CDC6: variants seen among roughly 807,000 people sequenced by gnomAD.
The protein encoded by CDC6 is cell division cycle 6, also known as DNA replication factor CDC6.
A neutral mutation model predicts 60.2 loss-of-function variants in CDC6; 46 were observed. That is an observed-to-expected ratio of 0.76 (90% CI 0.60 to 0.98). The LOEUF (loss-of-function observed/expected upper bound fraction) is 0.98, where lower values mean the gene tolerates loss of function less well. Ranked by LOEUF, CDC6 falls within the 50% of genes least tolerant of loss-of-function variation. The pLI is 0.00. For synonymous variants in CDC6, 210 were observed against 233.2 expected (o/e 0.90, Z 0.90); for missense variants, 596 against 652.9 (o/e 0.91, Z 0.95).
rs776183829 is a variant in CDC6 at position 40,291,483 on chromosome 17, C to A, written c.475C>A (p.Gln159Lys). The A allele has an allele frequency of 1.9e-6, 3 of 1,614,200 alleles. No individual in the cohort carries two copies. Among genetic ancestry groups the A allele is most frequent in the Non-Finnish European group, 2.5e-6 (3 of 1,180,038 alleles). ...LFKQEGTCYQ[Q>K]AKLVLNTAVP... ...GTCTGGCACAGGCACTTGCTACCAG[C>A]AAGCAAAGCTGGTCCTGAACACAGC... Residue 159 changes from glutamine to lysine, a missense_variant, in exon 4 of 12, where the codon CAA (glutamine) becomes AAA (lysine). Physicochemically the swap from Gln to Lys is moderately conservative, Grantham distance 53. Coordinates refer to ENST00000209728, the MANE Select transcript of CDC6 (RefSeq NM_001254.4).
rs766335448 is a variant in CDC6 at position 40,300,800 on chromosome 17, A to G, written c.1250-28A>G. ...CACACACACAGTATTTTAGAAATCG[A>G]ATTAAGCTTGGCTTATTTACTTTAT... is the stretch of plus-strand genomic sequence containing the variant. On this transcript the variant is annotated intron_variant, in intron 9 of 11. Transcript: ENST00000209728. 3.9e-6 allele frequency: 6 copies of G among 1,552,954 alleles called. No homozygotes were observed. The Admixed American group carries it at 1.0e-4, about 26-fold the overall frequency.
Position 40,289,393 on chromosome 17 carries a change from T to C in CDC6, c.-13-15T>C. 5 of 1,543,950 alleles carry C rather than the reference T, an allele frequency of 3.2e-6. No individual in the cohort carries two copies. The highest frequency in any genetic ancestry group is 4.5e-6 in the Non-Finnish European group (5 of 1,119,970). On this transcript the variant is annotated splice_polypyrimidine_tract_variant and intron_variant, in intron 1 of 11. Coordinates refer to ENST00000209728, the MANE Select transcript of CDC6 (RefSeq NM_001254.4). ...CACATATTGACTAGTTGTCCTCTTA[T>C]TTTTTTTAATCTAGCTGTGCTGTCG...
In CDC6 at chr17:40,289,438, CCAGG is replaced by C; in HGVS notation, c.21_24del (p.Gln7HisfsTer16). On this transcript the variant is annotated frameshift_variant, in exon 2 of 12. Transcript: ENST00000209728. LOFTEE classifies it high-confidence loss of function. The stretch of plus-strand genomic sequence containing the variant: ...CTGTCGTCATGCCTCAAACCCGATC[CCAGG>C]CACAGGCTACAATCAGTTTTCCAAA... 1 of 1,613,796 alleles carries C rather than the reference CCAGG, an allele frequency of 6.2e-7. No homozygotes were observed. The highest frequency in any genetic ancestry group is 8.5e-7 in the Non-Finnish European group (1 of 1,179,934).
intron 2 of CDC6, among the ~76,000 whole-genome samples, chr17:40,290,737 T>C (rs933079184): frequency 2.0e-5 from 3 of 152,226 alleles, no homozygotes; most frequent in African/African-American, 7.2e-5. Flanking sequence ...GGATGATTCA[T>C]GTCTTGGGTA....
At chr17:40,301,802 AAC>A (rs1280057872) in intron 11 of CDC6, 108 bp from the exon 12 acceptor site, 1 of 943,740 alleles carries the variant, frequency 1.1e-6, no homozygotes, top group African/African-American at 1.6e-5. Context: ...AAAAGTGTTT[AAC>A]TTGCTTGCCT....
In CDC6 at chr17:40,295,360, C is replaced by G. The variant is rs1330781770; in HGVS notation, c.1088C>G (p.Ser363Cys). The change falls in exon 8 of 12, where the codon TCT becomes TGT. Residue 363 changes from serine to cysteine, a missense_variant. Transcript: ENST00000209728. ...TILQDRLNQV[S>C]RDQVLDNAAV... ...TCTTCTATGTCTTGTCTGAAGGTAT[C>G]TAGAGATCAGGTTCTGGACAATGCT... 6.2e-7 allele frequency: 1 copy of G among 1,605,072 alleles called. No homozygotes were observed. Among genetic ancestry groups the G allele is most frequent in the African/African-American group, 1.3e-5 (1 of 74,654 alleles).
At chr17:40,300,772 A>C in intron 9 of CDC6, 56 bp from the exon 10 acceptor site, 8 of 1,299,798 alleles carry the variant, frequency 6.2e-6, no homozygotes, top group Non-Finnish European at 8.9e-6. Context: ...CTCATCATAC[A>C]TACACACACA....
At chr17:40,295,068 A>C (rs1284415010) in intron 7 of CDC6, among the ~76,000 whole-genome samples, 1 of 152,184 alleles carries the variant, frequency 6.6e-6, no homozygotes, top group African/African-American at 2.4e-5. Context: ...GGGCCTATGA[A>C]AAAACTTTTT....
At chr17:40,293,875 C>T (rs2032813089) in intron 5 of CDC6, 75 bp from the exon 6 acceptor site, 4 of 1,289,760 alleles carry the variant, frequency 3.1e-6, no homozygotes, top group African/African-American at 1.5e-5. Context: ...AGGAAAGTGA[C>T]CTGAAGTCAG....
chr17:40,296,647 G>A, intron 8 of CDC6, 56 bp from the exon 9 acceptor site: 3 of 969,322 alleles, frequency 3.1e-6, no homozygotes, highest in Non-Finnish European at 5.0e-6. Flanking sequence ...GAGGCTGGTG[G>A]TTTGGTGTGT....
At chr17:40,290,662 A>G (rs2032742291) in intron 2 of CDC6, among the ~76,000 whole-genome samples, 1 of 152,194 alleles carries the variant, frequency 6.6e-6, no homozygotes, top group Non-Finnish European at 1.5e-5. Context: ...TGATTTGATA[A>G]CCAAGTCAGC....
chr17:40,289,426 T>C lies in CDC6; in HGVS notation c.6T>C (p.Pro2=), dbSNP rs750621790. ...AATCTAGCTGTGCTGTCGTCATGCC[T>C]CAAACCCGATCCCAGGCACAGGCTA... M[P]QTRSQAQATI... Residue 2 remains proline (P), a synonymous_variant, in exon 2 of 12, where the codon CCT becomes CCC. Transcript: ENST00000209728. 2.5e-5 allele frequency: 41 copies of C among 1,613,944 alleles called. No individual in the cohort carries two copies. The highest frequency in any genetic ancestry group is 3.1e-5 in the Non-Finnish European group (37 of 1,179,902).
chr17:40,289,679 G>T, intron 2 of CDC6, 81 bp downstream of exon 2: 2 of 909,466 alleles, frequency 2.2e-6, no homozygotes, highest in Non-Finnish European at 1.8e-6. Context: ...CTTTGAAGGA[G>T]CTTTCTAAGT....
At chr17:40,289,857 C>T (rs2032726355) in intron 2 of CDC6, among the ~76,000 whole-genome samples, 1 of 150,876 alleles carries the variant, frequency 6.6e-6, no homozygotes, top group Non-Finnish European at 1.5e-5. Flanking sequence ...TACAGGCGCC[C>T]ACCACCAAGC....
At chr17:40,299,860 T>G (rs1172544920) in intron 9 of CDC6, among the ~76,000 whole-genome samples, 1 of 151,962 alleles carries the variant, frequency 6.6e-6, no homozygotes, top group Non-Finnish European at 1.5e-5. Context: ...ACCTCAAAGG[T>G]CATTTGGGGA....
chr17:40,293,646 G>A lies in CDC6; in HGVS notation c.836+15G>A, dbSNP rs2032808463. ...GGCCCCATGATGTAAGTATTGTTCT[G>A]CTTCATGTTGCTCTGTGAAAATCTG... On this transcript the variant is annotated intron_variant, in intron 5 of 11. Transcript: ENST00000209728. The A allele has an allele frequency of 6.3e-7, 1 of 1,594,600 alleles. No homozygotes were observed. Among genetic ancestry groups the A allele is most frequent in the Non-Finnish European group, 8.6e-7 (1 of 1,162,218 alleles).
At chr17:40,299,984 A>C (rs531931636) in intron 9 of CDC6, among the ~76,000 whole-genome samples, 117 of 150,330 alleles carry the variant, frequency 7.8e-4, no homozygotes, top group Non-Finnish European at 1.3e-3. Flanking sequence ...TTTTTTTTAT[A>C]TGGAGTTTCA....
chr17:40,290,154 C>G (rs956175074), intron 2 of CDC6, among the ~76,000 whole-genome samples: 1 of 152,124 alleles, frequency 6.6e-6, no homozygotes, highest in African/African-American at 2.4e-5. Context: ...TAATACTGAA[C>G]TTAGTTCTGT....
intron 2 of CDC6, among the ~76,000 whole-genome samples, chr17:40,290,511 C>G (rs1050126212): frequency 6.6e-6 from 1 of 152,112 alleles, no homozygotes; most frequent in African/African-American, 2.4e-5. Flanking sequence ...TCAAAATAGC[C>G]TTACAATTTC....
Sources: allele counts gnomAD v4.1 joint callset (sites outside exome capture counted in the v4.1 genomes callset), GRCh38; gene constraint gnomAD v4.1.1; transcripts MANE v1.5; gene names NCBI Gene and HGNC (gene_info 2026-07-23, HGNC 2026-07-21).